The following PDZRN4 variants were observed in gnomAD, a reference collection of about 807,000 sequenced individuals.
PDZRN4 encodes the protein PDZ domain containing ring finger 4.
Under a neutral mutation model 99.0 loss-of-function variants are expected in PDZRN4, and 70 were observed. That is an observed-to-expected ratio of 0.71 (90% CI 0.58 to 0.86). The LOEUF (loss-of-function observed/expected upper bound fraction) is 0.86, where lower values mean the gene tolerates loss of function less well. Among genes scored for constraint, PDZRN4 ranks in the 40% least tolerant of loss-of-function variants. PDZRN4 has a pLI of 0.00. For missense variants in PDZRN4, 1,474 were observed against 1,331.2 expected (o/e 1.11, Z -1.67); for synonymous variants, 551 against 501.6 (o/e 1.10, Z -1.32).
At position 41,517,995 on chromosome 12, in the gene PDZRN4, A is replaced by G. The variant is rs571884087; in HGVS notation, c.1203+8082A>G. Among the ~76,000 whole-genome samples the G allele has an allele frequency of 3.3e-5, 5 of 152,250 alleles. No homozygotes were observed. In the South Asian group the frequency reaches 1.0e-3, roughly 32 times the overall value. On this transcript the variant is annotated intron_variant, in intron 5 of 9. Transcript: ENST00000402685. ...GCAGTCTGTAAAAACTAGAAAATAA[A>G]TTACTTTATTTACATATAATACATA...
At chr12:41,352,718 C>A (rs529462658) in intron 3 of PDZRN4, among the ~76,000 whole-genome samples, 1 of 151,956 alleles carries the variant, frequency 6.6e-6, no homozygotes, top group Non-Finnish European at 1.5e-5. Flanking sequence ...AATTTAAAAC[C>A]AACTTCCAGG....
At chr12:41,455,643 A>G (rs1348923404) in intron 3 of PDZRN4, among the ~76,000 whole-genome samples, 1 of 152,228 alleles carries the variant, frequency 6.6e-6, no homozygotes, top group African/African-American at 2.4e-5. Flanking sequence ...AGGATTCTGT[A>G]CCATAAATCT....
At chr12:41,349,982 TA>T (rs895359136) in intron 3 of PDZRN4, among the ~76,000 whole-genome samples, 5 of 151,736 alleles carry the variant, frequency 3.3e-5, no homozygotes, top group South Asian at 4.2e-4. Context: ...GCAACACAAT[TA>T]AAAAAAATGA....
intron 3 of PDZRN4, among the ~76,000 whole-genome samples, chr12:41,343,839 T>C (rs1411777705): frequency 4.6e-5 from 7 of 151,926 alleles, no homozygotes; most frequent in African/African-American, 1.7e-4. Flanking sequence ...AAACATCAAA[T>C]TGTACCCTAT....
At chr12:41,268,975 A>G (rs1379631234) in intron 3 of PDZRN4, among the ~76,000 whole-genome samples, 1 of 152,210 alleles carries the variant, frequency 6.6e-6, no homozygotes. Context: ...ACCACCAATC[A>G]TAAATTTTTC....
intron 3 of PDZRN4, among the ~76,000 whole-genome samples, chr12:41,434,526 A>T (rs1050292583): frequency 1.3e-5 from 2 of 152,198 alleles, no homozygotes; most frequent in African/African-American, 4.8e-5. Context: ...ACTCCCTCTC[A>T]TCTACTCTTT....
chr12:41,403,768 CA>C (rs1179875777), intron 3 of PDZRN4, among the ~76,000 whole-genome samples: 1 of 152,112 alleles, frequency 6.6e-6, no homozygotes, highest in Non-Finnish European at 1.5e-5. Context: ...TACTAGCACA[CA>C]ATTTATTCAT....
intron 3 of PDZRN4, among the ~76,000 whole-genome samples, chr12:41,248,030 A>G (rs1197673932): frequency 6.6e-6 from 1 of 152,226 alleles, no homozygotes; most frequent in Non-Finnish European, 1.5e-5. Context: ...ACTTGCACAG[A>G]GCAGGCTGCA....
chr12:41,547,254 T>A (rs957014986), intron 5 of PDZRN4, among the ~76,000 whole-genome samples: 3 of 152,178 alleles, frequency 2.0e-5, no homozygotes, highest in African/African-American at 7.2e-5. Flanking sequence ...TGCTTTTGGG[T>A]GGAAGCCCAT....
chr12:41,296,414 TG>T (rs1951494454), intron 3 of PDZRN4, among the ~76,000 whole-genome samples: 1 of 152,186 alleles, frequency 6.6e-6, no homozygotes, highest in African/African-American at 2.4e-5. Flanking sequence ...GTTGACTTTA[TG>T]AAGGGTCAAA....
chr12:41,352,436 A>C (rs1424374594), intron 3 of PDZRN4, among the ~76,000 whole-genome samples: 1 of 152,116 alleles, frequency 6.6e-6, no homozygotes, highest in Non-Finnish European at 1.5e-5. Context: ...TCTACTCAGG[A>C]TAAGATACCT....
chr12:41,354,176 G>A (rs1162902292), intron 3 of PDZRN4, among the ~76,000 whole-genome samples: 1 of 152,096 alleles, frequency 6.6e-6, no homozygotes, highest in Non-Finnish European at 1.5e-5. Context: ...GATTAGAGAA[G>A]TGATAATCAA....
intron 3 of PDZRN4, among the ~76,000 whole-genome samples, chr12:41,204,331 G>A (rs1324716844): frequency 6.6e-6 from 1 of 151,964 alleles, no homozygotes; most frequent in Non-Finnish European, 1.5e-5. Flanking sequence ...AGAGACAAAA[G>A]GCTTGATGGA....
At chr12:41,463,030 T>C (rs928981874) in intron 3 of PDZRN4, among the ~76,000 whole-genome samples, 2 of 152,200 alleles carry the variant, frequency 1.3e-5, no homozygotes, top group African/African-American at 4.8e-5. Flanking sequence ...ATGCCAGATA[T>C]GTATTCTTAA....
At chr12:41,284,302 A>G (rs935385907) in intron 3 of PDZRN4, among the ~76,000 whole-genome samples, 1 of 152,172 alleles carries the variant, frequency 6.6e-6, no homozygotes, top group Non-Finnish European at 1.5e-5. Flanking sequence ...TACAACTTAC[A>G]AGGGATGTGA....
intron 3 of PDZRN4, among the ~76,000 whole-genome samples, chr12:41,231,619 G>C (rs1047447163): frequency 6.6e-6 from 1 of 152,008 alleles, no homozygotes; most frequent in East Asian, 1.9e-4. Context: ...CATTTTTACT[G>C]TTTCAAAATT....
At chr12:41,409,976 A>ATG (rs1367260547) in intron 3 of PDZRN4, 1 of 152,204 alleles carries the variant, frequency 6.6e-6, no homozygotes, top group African/African-American at 2.4e-5. Context: ...TTGGATCAGA[A>ATG]ACCAGTATGA....
chr12:41,239,637 G>T (rs944608228), intron 3 of PDZRN4, among the ~76,000 whole-genome samples: 3 of 152,000 alleles, frequency 2.0e-5, no homozygotes, highest in East Asian at 1.9e-4. Flanking sequence ...TGCTATTGGG[G>T]GTAAGAAAGG....
chr12:41,385,459 A>G (rs1321137543), intron 3 of PDZRN4, among the ~76,000 whole-genome samples: 1 of 152,224 alleles, frequency 6.6e-6, no homozygotes, highest in Non-Finnish European at 1.5e-5. Flanking sequence ...GAAGATTCAA[A>G]TAAACATCAT....
Sources: allele counts gnomAD v4.1 joint callset (sites outside exome capture counted in the v4.1 genomes callset), GRCh38; gene constraint gnomAD v4.1.1; transcripts MANE v1.5; gene names NCBI Gene and HGNC (gene_info 2026-07-23, HGNC 2026-07-21).